The following PIK3C2A variants were observed in gnomAD, a reference collection of about 807,000 sequenced individuals.
The protein encoded by PIK3C2A is phosphatidylinositol 4-phosphate 3-kinase C2 domain-containing subunit alpha.
A neutral mutation model predicts 204.5 loss-of-function variants in PIK3C2A; 97 were observed. The ratio of observed to expected loss-of-function variants is 0.47; its 90% confidence interval spans 0.40 to 0.56. PIK3C2A has a LOEUF of 0.56. Ranked by LOEUF, PIK3C2A falls within the 20% of genes least tolerant of loss-of-function variation. PIK3C2A has a pLI of 0.00. For synonymous variants in PIK3C2A, 653 were observed against 664.4 expected, an observed-to-expected ratio of 0.98 and a Z score of 0.26; for missense variants, 1,735 against 1,969.2, an observed-to-expected ratio of 0.88 and a Z score of 2.25.
chr11:17,149,622 G>A (rs1335608771), intron 4 of PIK3C2A, among the ~76,000 whole-genome samples: 2 of 151,920 alleles, frequency 1.3e-5, no homozygotes, highest in Non-Finnish European at 2.9e-5. Context: ...CTGTATTTTT[G>A]AGATGGGGTC....
At position 17,169,770 on chromosome 11, in the gene PIK3C2A, C is replaced by T. The variant is rs1851099507; in HGVS notation, c.-29G>A. ...CACTAAAAAGACCAAACCTTCCTTC[C>T]TCTATTTTTTTCTTGTAGCTTCCAA... is the stretch of plus-strand genomic sequence containing the variant. On this transcript the variant is annotated 5_prime_UTR_variant, in exon 2 of 33. Transcript: ENST00000691414. 6.7e-7 allele frequency: 1 copy of T among 1,501,610 alleles called. No homozygotes were observed. Among genetic ancestry groups the T allele is most frequent in the Non-Finnish European group, 8.9e-7 (1 of 1,121,730 alleles). The allele number at this position is 1,501,610 out of a possible 1,614,324, so 93.0% of individuals were successfully genotyped here. A position where few individuals can be genotyped will look rare whatever the true frequency, so the allele number is the denominator to read the frequency against.
intron 1 of PIK3C2A, among the ~76,000 whole-genome samples, chr11:17,188,863 G>A (rs1029688801): frequency 6.8e-6 from 1 of 146,900 alleles, no homozygotes; most frequent in Non-Finnish European, 1.5e-5. Flanking sequence ...AAAGGCTGTG[G>A]AGGCAAGAGC....
Position 17,101,450 on chromosome 11 carries a change from G to A in PIK3C2A, c.3852-16C>T, listed in dbSNP as rs1324456074. The A allele has an allele frequency of 1.4e-6, 2 of 1,436,844 alleles. No homozygotes were observed. Among genetic ancestry groups the A allele is most frequent in the Non-Finnish European group, 1.9e-6 (2 of 1,057,354 alleles). The allele number at this position is 1,436,844 out of a possible 1,614,324, so 89.0% of individuals were successfully genotyped here. On this transcript the variant is annotated splice_polypyrimidine_tract_variant and intron_variant, in intron 24 of 32. Transcript: ENST00000691414. The stretch of plus-strand genomic sequence containing the variant: ...AGCCCGATCCCTATTTAAAATGAAA[G>A]TACATACAAAATATTATTTACAGAA...
At chr11:17,102,280 C>CA (rs1016081310) in intron 24 of PIK3C2A, among the ~76,000 whole-genome samples, 5 of 151,970 alleles carry the variant, frequency 3.3e-5, no homozygotes, top group East Asian at 3.9e-4. Flanking sequence ...ACTAAAAATA[C>CA]AAAAAAATTA....
chr11:17,118,353 A>T (rs1015151606), intron 18 of PIK3C2A, among the ~76,000 whole-genome samples: 2 of 152,304 alleles, frequency 1.3e-5, no homozygotes, highest in Non-Finnish European at 2.9e-5. Context: ...GATTACAAGC[A>T]TGAGCCACCA....
intron 1 of PIK3C2A, among the ~76,000 whole-genome samples, chr11:17,180,217 A>G (rs535790805): frequency 3.3e-4 from 50 of 152,090 alleles, no homozygotes; most frequent in African/African-American, 1.2e-3. Context: ...TATGAAAACA[A>G]TATATATATA....
intron 4 of PIK3C2A, among the ~76,000 whole-genome samples, chr11:17,149,155 T>C (rs1850349186): frequency 6.6e-6 from 1 of 152,162 alleles, no homozygotes. Context: ...ACAGCATATA[T>C]TTACATAGCA....
intron 26 of PIK3C2A, among the ~76,000 whole-genome samples, 176 bp from the exon 27 acceptor site, chr11:17,097,440 C>T (rs1165022012): frequency 1.3e-5 from 2 of 152,164 alleles, no homozygotes; most frequent in Non-Finnish European, 2.9e-5. Context: ...CATCTCACCC[C>T]AACAAAATAA....
chr11:17,170,216 G>A (rs1851113920), intron 1 of PIK3C2A, among the ~76,000 whole-genome samples: 1 of 152,106 alleles, frequency 6.6e-6, no homozygotes, highest in South Asian at 2.1e-4. Context: ...AAGTCAAAAT[G>A]GTTTTTGATC....
chr11:17,113,033 T>C lies in PIK3C2A; in HGVS notation c.3322-367A>G, dbSNP rs187515843. Among the ~76,000 whole-genome samples the C allele has an allele frequency of 1.7e-3, 265 of 151,864 alleles. 3 individuals are homozygous for C. The highest frequency in any genetic ancestry group is 5.4e-3 in the African/African-American group (224 of 41,322). ...ATTTTATTTATTTATTTTTTTGAGA[T>C]AGAGTTTTGCTCTTGTTGCCCAGGC... On this transcript the variant is annotated intron_variant, in intron 20 of 32. Transcript: ENST00000691414.
intron 8 of PIK3C2A, among the ~76,000 whole-genome samples, chr11:17,145,029 A>G (rs553371782): frequency 6.7e-4 from 102 of 151,242 alleles, no homozygotes; most frequent in African/African-American, 2.3e-3. Flanking sequence ...TATTTACCCC[A>G]CGCCTGTACC....
At chr11:17,150,477 C>T (rs1850389832) in intron 4 of PIK3C2A, 21 bp downstream of exon 4, 2 of 1,567,460 alleles carry the variant, frequency 1.3e-6, no homozygotes, top group Non-Finnish European at 1.7e-6. Flanking sequence ...AAACGAGAGG[C>T]TTGAGGAACC....
chr11:17,198,112 A>ATTT (rs58382152), intron 1 of PIK3C2A, among the ~76,000 whole-genome samples: 20 of 145,308 alleles, frequency 1.4e-4, no homozygotes, highest in Admixed American at 4.8e-4. Flanking sequence ...AAACTGTGTG[A>ATTT]TTTTTTTTTT....
chr11:17,091,572 A>G lies in PIK3C2A; in HGVS notation c.4727T>C (p.Ile1576Thr). ...AAGATCTTTGATATGCATCACCATG[A>G]TGAAAAGAGTACCATTTCGGTAAGA... Reference protein sequence around the residue: ...SISYRNGTLFIMVMHIKDLVT... With the variant: ...SISYRNGTLFTMVMHIKDLVT... The change falls in exon 31 of 33, where the codon ATC (isoleucine) becomes ACC (threonine). Residue 1576 changes from isoleucine to threonine, a missense_variant. By Grantham distance (89) the Ile-to-Thr change is moderately conservative. Around this residue, in one of 6 missense-constraint regions of PIK3C2A, gnomAD observed 503 missense variants for 669.0 expected, o/e 0.75. Transcript: ENST00000691414. 9 of 1,613,098 alleles carry G rather than the reference A, an allele frequency of 5.6e-6. No individual in the cohort carries two copies. Among genetic ancestry groups the G allele is most frequent in the Non-Finnish European group, 7.6e-6 (9 of 1,179,066 alleles).
At position 17,093,507 on chromosome 11, in the gene PIK3C2A, G is replaced by A. The variant is rs534086521; in HGVS notation, c.4451+754C>T. On this transcript the variant is annotated intron_variant, in intron 28 of 32. Transcript: ENST00000691414. ...TCTCCATCTCCTGACCTCGTGATCCGCCCGCCTTGGCCTCCCAAAATGCTG... is the reference window on the plus strand; with the variant it reads ...TCTCCATCTCCTGACCTCGTGATCCACCCGCCTTGGCCTCCCAAAATGCTG... 1.2e-4 allele frequency among the ~76,000 whole-genome samples: 19 copies of A among 152,180 alleles called. No individual in the cohort carries two copies. The East Asian group carries it at 1.9e-3, about 15-fold the overall frequency.
chr11:17,092,207 T>C lies in PIK3C2A; in HGVS notation c.4521A>G (p.Leu1507=), dbSNP rs1260088573. ...KDVAAKRKIE[L]NSYLQSLMNA... ...TCATCAAACTCTGTAAGTAACTGTT[T>C]AACTCAATTTTCCTTTTGGCTGCTA... is the stretch of plus-strand genomic sequence containing the variant. The change falls in exon 29 of 33, where the codon TTA becomes TTG. Residue 1507 remains leucine, a synonymous_variant. Transcript: ENST00000691414. The C allele has an allele frequency of 6.2e-7, 1 of 1,608,356 alleles. No homozygotes were observed. Among genetic ancestry groups the C allele is most frequent in the East Asian group, 2.2e-5 (1 of 44,802 alleles).
At chr11:17,205,328 G>T (rs1017696289) in intron 1 of PIK3C2A, among the ~76,000 whole-genome samples, 1 of 151,782 alleles carries the variant, frequency 6.6e-6, no homozygotes, top group Admixed American at 6.6e-5. Context: ...ACAAAAATTA[G>T]CTGGGCATAG....
At chr11:17,108,198 G>GT (rs1429640914) in intron 22 of PIK3C2A, among the ~76,000 whole-genome samples, 3 of 152,172 alleles carry the variant, frequency 2.0e-5, no homozygotes, top group Non-Finnish European at 4.4e-5. Context: ...TAAAAGAGCT[G>GT]TAACACTCAA....
chr11:17,172,732 C>T (rs1389485466), intron 1 of PIK3C2A, among the ~76,000 whole-genome samples: 2 of 152,190 alleles, frequency 1.3e-5, no homozygotes, highest in African/African-American at 2.4e-5. Flanking sequence ...CCATGTGTAT[C>T]CTTAACCTTA....
Sources: gnomAD v4.1 joint callset for allele counts (sites outside exome capture counted in the v4.1 genomes callset) on GRCh38, gnomAD v4.1.1 for gene constraint, gnomAD v4.1.1 regional missense constraint, MANE v1.5 for transcripts, NCBI Gene and HGNC (gene_info 2026-07-23, HGNC 2026-07-21) for gene names.